Variants in MFNG observed in about 807,000 individuals in gnomAD.
MFNG encodes the protein beta-1,3-N-acetylglucosaminyltransferase manic fringe.
In MFNG, 24 loss-of-function variants were observed where a neutral mutation model predicts 34.2. The observed-to-expected ratio is 0.70, with a 90% CI of 0.51 to 0.99. The LOEUF is 0.99. Ranked by LOEUF, MFNG falls within the 50% of genes least tolerant of loss-of-function variation. The pLI is 0.00. For synonymous variants in MFNG, 158 were observed against 179.2 expected (o/e 0.88, Z 0.94); for missense variants, 383 against 424.0 (o/e 0.90, Z 0.85).
intron 4 of MFNG, among the ~76,000 whole-genome samples, chr22:37,477,506 GCACC>G (rs1162775169): frequency 6.6e-6 from 1 of 152,084 alleles, no homozygotes; most frequent in Admixed American, 6.5e-5. Context: ...AAGTGCAGTG[GCACC>G]ATCTCTGCTC....
chr22:37,475,800 G>A (rs1223509175), intron 5 of MFNG, among the ~76,000 whole-genome samples: 1 of 152,210 alleles, frequency 6.6e-6, no homozygotes, highest in Non-Finnish European at 1.5e-5. Context: ...GTAATTTAGA[G>A]GTGGGCAGAA....
rs1241898296 is a variant in MFNG, at chr22:37,469,131, T to C, written c.*832A>G. ...TGCTGGAGGGAATAGCTGTGGATGA[T>C]TGTCTTGGCCTTTCCTTCATGGTAG... On this transcript the variant is annotated 3_prime_UTR_variant, in exon 8 of 8. Transcript: ENST00000356998. 3.3e-5 allele frequency: 5 copies of C among 152,888 alleles called. No homozygotes were observed. The highest frequency in any genetic ancestry group is 9.7e-5 in the African/African-American group (4 of 41,440). The allele number at this position is 152,888 out of a possible 1,614,324, so 9.5% of individuals were successfully genotyped here. A position where few individuals can be genotyped will look rare whatever the true frequency, so the allele number is the denominator to read the frequency against.
In MFNG at chr22:37,486,082, C is replaced by T. The variant is rs769102277; in HGVS notation, c.96G>A (p.Pro32=). The T allele has an allele frequency of 8.1e-6, 13 of 1,613,404 alleles. No homozygotes were observed. The highest frequency in any genetic ancestry group is 2.2e-5 in the East Asian group (1 of 44,862). ...GCTCGGGGGTCCCTTGTACCCGCTG[C>T]GGGGACAGGTTCAAGTGGTACCGCA... ...LCLRYHLNLS[P]QRVQGTPELS... Residue 32 remains proline (P), a synonymous_variant, in exon 1 of 8, where the codon CCG becomes CCA. Transcript: ENST00000356998.
At chr22:37,474,283 T>C (rs1921940187) in intron 6 of MFNG, among the ~76,000 whole-genome samples, 1 of 152,192 alleles carries the variant, frequency 6.6e-6, no homozygotes, top group Admixed American at 6.5e-5. Flanking sequence ...GAATTTCAGC[T>C]TCACAAATGC....
rs1415940189 is a variant in MFNG at position 37,482,431 on chromosome 22, A to T, written c.256-1662T>A. ...GCTTCTCTCTCTGTCTCTCTCTCTC[A>T]CACACACACACGCACACACACGCAC... On this transcript the variant is annotated intron_variant, in intron 1 of 7. Transcript: ENST00000356998. This position sits in a 1 kb window ranked among gnomAD's most constrained non-coding sequence, Gnocchi z 4.1. Among the ~76,000 whole-genome samples the T allele has an allele frequency of 2.3e-5, 3 of 128,846 alleles. No individual in the cohort carries two copies. Among genetic ancestry groups the T allele is most frequent in the Admixed American group, 7.4e-5 (1 of 13,574 alleles). The allele number at this position is 128,846 out of a possible 152,430, so 84.5% of individuals were successfully genotyped here.
chr22:37,475,954 G>T (rs1311993765), intron 5 of MFNG, among the ~76,000 whole-genome samples: 1 of 152,202 alleles, frequency 6.6e-6, no homozygotes, highest in Non-Finnish European at 1.5e-5. Flanking sequence ...GCAAGGCAGG[G>T]CAGGCTTGGG....
At chr22:37,473,164 G>A (rs1921886216) in intron 6 of MFNG, among the ~76,000 whole-genome samples, 1 of 152,118 alleles carries the variant, frequency 6.6e-6, no homozygotes, top group Non-Finnish European at 1.5e-5. Flanking sequence ...GTGGCTGGGT[G>A]CGGTGGCTCA....
At position 37,482,689 on chromosome 22, in the gene MFNG, C is replaced by T. The variant is rs113864625; in HGVS notation, c.256-1920G>A. Among the ~76,000 whole-genome samples the T allele has an allele frequency of 2.0e-5, 3 of 152,242 alleles. No homozygotes were observed. Among genetic ancestry groups the T allele is most frequent in the African/African-American group, 7.2e-5 (3 of 41,532 alleles). ...CCCTGGTTACAGAAATTTCTCTCCC[C>T]GTCTCTTCCACCAGACGATGGCATC... On this transcript the variant is annotated intron_variant, in intron 1 of 7. Coordinates refer to ENST00000356998, the MANE Select transcript of MFNG (RefSeq NM_002405.4). The surrounding 1 kb of genome is among the most constrained non-coding windows in gnomAD (Gnocchi z 4.1).
In MFNG at chr22:37,480,604, C is replaced by T. The variant is rs75017033; in HGVS notation, c.304+117G>A. 1,034 of 992,602 alleles carry T rather than the reference C, an allele frequency of 1.0e-3. 7 individuals carry two copies. In the African/African-American group the frequency reaches 0.011, roughly 11 times the overall value. The allele number at this position is 992,602 out of a possible 1,614,324, so 61.5% of individuals were successfully genotyped here. On this transcript the variant is annotated intron_variant, in intron 2 of 7. Coordinates refer to ENST00000356998, the MANE Select transcript of MFNG (RefSeq NM_002405.4). Reference sequence around the variant, plus strand: ...TCCCTCCTGGGCAAAGGGGAATCTCCACATGCCAAGGGTGGGCGGCCCATT... The same window carrying T: ...TCCCTCCTGGGCAAAGGGGAATCTCTACATGCCAAGGGTGGGCGGCCCATT...
intron 6 of MFNG, among the ~76,000 whole-genome samples, chr22:37,473,428 C>CA (rs796217351): frequency 2.8e-4 from 41 of 144,144 alleles, no homozygotes; most frequent in African/African-American, 4.3e-4. Flanking sequence ...GACTCTATCT[C>CA]AAAAAAAAAA....
Position 37,480,249 on chromosome 22 carries a change from G to T in MFNG, c.355C>A (p.Leu119Met), listed in dbSNP as rs61752256. 1 of 1,613,738 alleles carries T rather than the reference G, an allele frequency of 6.2e-7. No individual in the cohort carries two copies. Among genetic ancestry groups the T allele is most frequent in the Non-Finnish European group, 8.5e-7 (1 of 1,179,622 alleles). ...NCSAEHSHPA[L>M]SCKMAAEFDT... is the part of the protein sequence containing the mutation. ...AACTCAGCAGCCATCTTGCAGGACA[G>T]AGCTGGGTGGCTGTGTTCCGCGGAG... The change falls in exon 3 of 8, where the codon CTG (leucine) becomes ATG (methionine). Residue 119 changes from leucine (L) to methionine (M), a missense_variant. By Grantham distance (15) the Leu-to-Met change is conservative. Coordinates refer to ENST00000356998, the MANE Select transcript of MFNG (RefSeq NM_002405.4).
Position 37,485,985 on chromosome 22 carries a change from C to T in MFNG, c.193G>A (p.Ala65Thr). Residue 65 changes from alanine to threonine, a missense_variant, in exon 1 of 8, where the codon GCT becomes ACT. Transcript: ENST00000356998. This position sits in a 1 kb window ranked among gnomAD's most constrained non-coding sequence, Gnocchi z 5.3. ...AGCTCCAGGCGCAAGCGGTGGAAAGCCCGGGTCGTCTTCACTGCAATGAAG... is the reference window on the plus strand; with the variant it reads ...AGCTCCAGGCGCAAGCGGTGGAAAGTCCGGGTCGTCTTCACTGCAATGAAG... Reference protein sequence around the residue: ...DVFIAVKTTRAFHRLRLELLL... With the variant: ...DVFIAVKTTRTFHRLRLELLL... 6.2e-7 allele frequency: 1 copy of T among 1,614,058 alleles called. No individual in the cohort carries two copies. Among genetic ancestry groups the T allele is most frequent in the Non-Finnish European group, 8.5e-7 (1 of 1,179,946 alleles).
At chr22:37,474,825 A>T (rs1184267305) in intron 5 of MFNG, 148 bp from the exon 6 acceptor site, 14 of 809,256 alleles carry the variant, frequency 1.7e-5, no homozygotes, top group African/African-American at 5.3e-5. Flanking sequence ...CAAGTCAGGA[A>T]CCTTGGGGAG....
chr22:37,486,301 G>A lies in MFNG; in HGVS notation c.-124C>T. ...GGCAGGCATCAGGGGCTGGCAAGGA[G>A]GGAAGAGGTAGGAGCTGAGGCTCTG... On this transcript the variant is annotated 5_prime_UTR_variant, in exon 1 of 8. Coordinates refer to ENST00000356998, the MANE Select transcript of MFNG (RefSeq NM_002405.4). 1 of 1,160,262 alleles carries A rather than the reference G, an allele frequency of 8.6e-7. No homozygotes were observed. The highest frequency in any genetic ancestry group is 1.7e-5 in the South Asian group (1 of 57,206). The allele number at this position is 1,160,262 out of a possible 1,614,324, so 71.9% of individuals were successfully genotyped here. A position where few individuals can be genotyped will look rare whatever the true frequency, so the allele number is the denominator to read the frequency against.
At chr22:37,474,227 A>G in intron 6 of MFNG, among the ~76,000 whole-genome samples, 1 of 152,182 alleles carries the variant, frequency 6.6e-6, no homozygotes, top group Non-Finnish European at 1.5e-5. Context: ...AGACAACCTC[A>G]TCTCATTTGT....
Position 37,485,927 on chromosome 22 carries a change from T to C in MFNG, c.251A>G (p.Glu84Gly). The C allele has an allele frequency of 1.2e-6, 2 of 1,612,616 alleles. No individual in the cohort carries two copies. The highest frequency in any genetic ancestry group is 1.7e-6 in the Non-Finnish European group (2 of 1,179,178). Residue 84 changes from glutamate (E) to glycine (G), a missense_variant, in exon 1 of 8, where the codon GAA (glutamate) becomes GGA (glycine). Physicochemically the swap from Glu to Gly is moderately conservative, Grantham distance 98. Coordinates refer to ENST00000356998, the MANE Select transcript of MFNG (RefSeq NM_002405.4). The surrounding 1 kb of genome is among the most constrained non-coding windows in gnomAD (Gnocchi z 5.3). ...CCAATGTCACCCACTTGTCACCTGT[T>C]CCCTGGTCCTGGAAACCCACGTGTC... ...LLDTWVSRTREQTFVFTDSPD... is the reference protein window; with the variant it reads ...LLDTWVSRTRGQTFVFTDSPD...
At chr22:37,479,054 G>A (rs184003492) in intron 4 of MFNG, among the ~76,000 whole-genome samples, 2 of 152,292 alleles carry the variant, frequency 1.3e-5, no homozygotes, top group Non-Finnish European at 2.9e-5. Flanking sequence ...GTGTCACACA[G>A]CCTCAGCTCA....
rs773185213 is a variant in MFNG at position 37,472,492 on chromosome 22, T to C, written c.850A>G (p.Asn284Asp). ...AAGGGGCCCTGTAGCTTAATGACGT[T>C]GAGTTTCCCCTCAAAGACACCGTAG... ...LSYGVFEGKL[N>D]VIKLQGPFSP... Residue 284 changes from asparagine to aspartate, a missense_variant, in exon 7 of 8, where the codon AAC becomes GAC. Transcript: ENST00000356998. 13 of 1,583,492 alleles carry C rather than the reference T, an allele frequency of 8.2e-6. No individual in the cohort carries two copies. In the Admixed American group the frequency reaches 1.8e-4, roughly 22 times the overall value.
At chr22:37,474,248 C>A (rs1921938286) in intron 6 of MFNG, among the ~76,000 whole-genome samples, 1 of 152,146 alleles carries the variant, frequency 6.6e-6, no homozygotes, top group Non-Finnish European at 1.5e-5. Flanking sequence ...TCAGGTCCTT[C>A]CCGGCATTTG....
Sources: gnomAD v4.1 joint callset for allele counts (sites outside exome capture counted in the v4.1 genomes callset) on GRCh38, gnomAD v4.1.1 for gene constraint, Gnocchi (gnomAD v3.1) non-coding constraint, MANE v1.5 for transcripts, NCBI Gene and HGNC (gene_info 2026-07-23, HGNC 2026-07-21) for gene names.